Variants in DRG2 observed in about 807,000 individuals in gnomAD.
DRG2 encodes developmentally regulated GTP binding protein 2, also known as developmentally-regulated GTP-binding protein 2.
Under a neutral mutation model 53.4 loss-of-function variants are expected in DRG2, and 36 were observed. That is an observed-to-expected ratio of 0.67 (90% CI 0.52 to 0.89). DRG2 has a LOEUF of 0.89. Ranked by LOEUF, DRG2 falls within the 40% of genes least tolerant of loss-of-function variation. The pLI is 0.00. For missense variants in DRG2, 342 were observed against 481.2 expected (o/e 0.71, Z 2.71); for synonymous variants, 167 against 192.1 (o/e 0.87, Z 1.08).
Position 18,107,528 on chromosome 17 carries a change from C to T in DRG2, c.*288C>T, listed in dbSNP as rs1193232067. Reference sequence around the variant, plus strand: ...CTCCCAGCCCCCTGCACTGAGGGAGCAAGTTGCCCACATGCCCGCCAGCCA... The same window carrying T: ...CTCCCAGCCCCCTGCACTGAGGGAGTAAGTTGCCCACATGCCCGCCAGCCA... On this transcript the variant is annotated 3_prime_UTR_variant, in exon 13 of 13. Transcript: ENST00000225729. 4.4e-6 allele frequency: 2 copies of T among 455,904 alleles called. No individual in the cohort carries two copies. The highest frequency in any genetic ancestry group is 8.1e-6 in the Non-Finnish European group (2 of 248,302). 28.2% of individuals were successfully genotyped at this position (455,904 alleles called of 1,614,324 possible).
chr17:18,093,195 T>C (rs529784018), intron 1 of DRG2, among the ~76,000 whole-genome samples: 1 of 152,270 alleles, frequency 6.6e-6, no homozygotes, highest in East Asian at 1.9e-4. Context: ...CAATGCGTAC[T>C]TCACCATCAA....
At chr17:18,104,592 T>A in intron 10 of DRG2, 31 bp from the exon 11 acceptor site, 1 of 1,613,666 alleles carries the variant, frequency 6.2e-7, no homozygotes, top group Non-Finnish European at 8.5e-7. Flanking sequence ...CCCTGATGTG[T>A]GGCTGACGTT....
chr17:18,104,128 C>G (rs1180809685), intron 10 of DRG2, among the ~76,000 whole-genome samples: 4 of 152,208 alleles, frequency 2.6e-5, no homozygotes, highest in Non-Finnish European at 5.9e-5. Flanking sequence ...GACCTCCCCT[C>G]ACAGTGACAG....
At chr17:18,106,683 T>TC (rs1439934124) in intron 12 of DRG2, among the ~76,000 whole-genome samples, 197 bp downstream of exon 12, 2 of 139,714 alleles carry the variant, frequency 1.4e-5, no homozygotes, top group Admixed American at 8.1e-5. Context: ...CTTTTTTTTT[T>TC]CTGGTTTTTT....
chr17:18,104,523 C>A, intron 10 of DRG2, 100 bp from the exon 11 acceptor site: 1 of 1,576,756 alleles, frequency 6.3e-7, no homozygotes. Context: ...GCAAGGAGAC[C>A]GAAAGGGCCT....
rs78298984 is a variant in DRG2 at position 18,101,789 on chromosome 17, G to A, written c.730-132G>A. 936 of 1,194,944 alleles carry A rather than the reference G, an allele frequency of 7.8e-4. 5 individuals carry two copies. In the African/African-American group the frequency reaches 0.013, roughly 16 times the overall value. 74.0% of individuals were successfully genotyped at this position (1,194,944 alleles called of 1,614,324 possible). On this transcript the variant is annotated intron_variant, in intron 8 of 12. Transcript: ENST00000225729. ...TCCAGCCCAGCCTTCCCAACCCTGA[G>A]GCAGCAAGGGGAGGAAGGGCGTAGA...
At chr17:18,090,406 ATTTTTTTTTTTT>A (rs1186716416) in intron 1 of DRG2, among the ~76,000 whole-genome samples, 13 of 22,694 alleles carry the variant, frequency 5.7e-4, no homozygotes, top group Non-Finnish European at 9.5e-4. Context: ...ATATATATAT[ATTTTTTTTTTTT>A]TTTTTTTTTT....
In DRG2 at chr17:18,099,174, G is replaced by A; in HGVS notation, c.376+97G>A. 6.7e-7 allele frequency: 1 copy of A among 1,502,450 alleles called. No individual in the cohort carries two copies. Among genetic ancestry groups the A allele is most frequent in the South Asian group, 1.1e-5 (1 of 87,402 alleles). 93.1% of individuals were successfully genotyped at this position (1,502,450 alleles called of 1,614,324 possible). ...GTCATGGAGATCACTCTGGATCCCT[G>A]GTCCATTATCCCGCTTTCCAGAAAA... On this transcript the variant is annotated intron_variant, in intron 4 of 12. Transcript: ENST00000225729. This position sits in a 1 kb window ranked among gnomAD's most constrained non-coding sequence, Gnocchi z 4.4.
At chr17:18,093,319 ATT>A (rs35706658) in intron 1 of DRG2, among the ~76,000 whole-genome samples, 141 of 141,068 alleles carry the variant, frequency 1.0e-3, no homozygotes, top group South Asian at 2.1e-3. Flanking sequence ...AAGAGGCGGG[ATT>A]TTTTTTTTTT....
rs574189109 is a variant in DRG2 at position 18,092,616 on chromosome 17, A to G, written c.65-1197A>G. Among the ~76,000 whole-genome samples the G allele has an allele frequency of 4.6e-5, 7 of 152,344 alleles. No individual in the cohort carries two copies. The South Asian group carries it at 1.2e-3, about 27-fold the overall frequency. On this transcript the variant is annotated intron_variant, in intron 1 of 12. Coordinates refer to ENST00000225729, the MANE Select transcript of DRG2 (RefSeq NM_001388.5). The stretch of plus-strand genomic sequence containing the variant: ...TCCTGAAATGAAATTCCCCATCAGT[A>G]ATATAACTTGAATTTGAAAAAAACC...
At chr17:18,094,875 G>C (rs1227801569) in intron 2 of DRG2, among the ~76,000 whole-genome samples, 2 of 144,506 alleles carry the variant, frequency 1.4e-5, no homozygotes, top group Non-Finnish European at 3.0e-5. Context: ...TCGGGAGGCT[G>C]AGGCAGGAGA....
chr17:18,096,750 G>A (rs2045440318), intron 2 of DRG2: 1 of 152,224 alleles, frequency 6.6e-6, no homozygotes, highest in Admixed American at 6.5e-5. Context: ...TGGAGAGGTT[G>A]CTAGAATATA....
intron 9 of DRG2, among the ~76,000 whole-genome samples, chr17:18,102,685 C>T (rs2045561963): frequency 6.6e-6 from 1 of 151,874 alleles, no homozygotes; most frequent in South Asian, 2.1e-4. Flanking sequence ...CCCCAAGAAG[C>T]CCTGGGTGTG....
chr17:18,090,391 TA>T (rs1567598037), intron 1 of DRG2, among the ~76,000 whole-genome samples: 25 of 13,184 alleles, frequency 1.9e-3, no homozygotes, highest in African/African-American at 0.011. Context: ...TATATATATA[TA>T]TATATATATA....
In DRG2 at chr17:18,099,348, A is replaced by G; in HGVS notation, c.376+271A>G. 1 of 611,330 alleles carries G rather than the reference A, an allele frequency of 1.6e-6. No individual in the cohort carries two copies. Among genetic ancestry groups the G allele is most frequent in the East Asian group, 2.8e-5 (1 of 36,250 alleles). The allele number at this position is 611,330 out of a possible 1,614,324, so 37.9% of individuals were successfully genotyped here. A position where few individuals can be genotyped will look rare whatever the true frequency, so the allele number is the denominator to read the frequency against. On this transcript the variant is annotated intron_variant, in intron 4 of 12. Transcript: ENST00000225729. This position sits in a 1 kb window ranked among gnomAD's most constrained non-coding sequence, Gnocchi z 4.4. ...ACAGCATAGTTTTGAGGATTAAGTG[A>G]GGAAATGTTCAGGAAGCATTTAGCC...
intron 11 of DRG2, among the ~76,000 whole-genome samples, chr17:18,105,047 C>T (rs1192178868): frequency 6.6e-6 from 1 of 152,176 alleles, no homozygotes; most frequent in East Asian, 1.9e-4. Flanking sequence ...GTGGCACCAG[C>T]TTAACACAGA....
intron 1 of DRG2, 65 bp from the exon 2 acceptor site, chr17:18,093,748 C>G: frequency 6.4e-7 from 1 of 1,562,518 alleles, no homozygotes; most frequent in Non-Finnish European, 8.7e-7. Flanking sequence ...ACATGTGGGC[C>G]CTGCCTGACC....
In DRG2 at chr17:18,104,651, T is replaced by G; in HGVS notation, c.924T>G (p.Ile308Met). The G allele has an allele frequency of 6.2e-7, 1 of 1,613,812 alleles. No homozygotes were observed. The highest frequency in any genetic ancestry group is 8.5e-7 in the Non-Finnish European group (1 of 1,180,004). Residue 308 changes from isoleucine (I) to methionine (M), a missense_variant, in exon 11 of 13, where the codon ATT becomes ATG. Coordinates refer to ENST00000225729, the MANE Select transcript of DRG2 (RefSeq NM_001388.5). ...GGCCAGACTTCACAGACGCCATCAT[T>G]CTCCGGAAAGGGGCCTCAGTGGAGC... ...GQRPDFTDAI[I>M]LRKGASVEHV...
intron 9 of DRG2, 58 bp downstream of exon 9, chr17:18,102,055 C>T (rs1342388103): frequency 1.0e-5 from 16 of 1,540,944 alleles, no homozygotes; most frequent in African/African-American, 1.4e-5. Context: ...TGACCCCAGT[C>T]GTCAGGCCTC....
Sources: gnomAD v4.1 joint callset for allele counts (sites outside exome capture counted in the v4.1 genomes callset) on GRCh38, gnomAD v4.1.1 for gene constraint, Gnocchi (gnomAD v3.1) non-coding constraint, MANE v1.5 for transcripts, NCBI Gene and HGNC (gene_info 2026-07-23, HGNC 2026-07-21) for gene names.